DNM1L: variants seen among roughly 807,000 people sequenced by gnomAD.
DNM1L encodes dynamin 1L, also known as dynamin-1-like protein.
In DNM1L, 33 loss-of-function variants were observed where a neutral mutation model predicts 92.8. That is an observed-to-expected ratio of 0.36 (90% CI 0.27 to 0.48). The LOEUF is 0.48. Among genes scored for constraint, DNM1L ranks in the 20% least tolerant of loss-of-function variants. DNM1L has a pLI of 0.99. For missense variants in DNM1L, 485 were observed against 888.8 expected (o/e 0.55, Z 5.78); for synonymous variants, 284 against 305.0 (o/e 0.93, Z 0.72).
intron 8 of DNM1L, 144 bp from the exon 9 acceptor site, chr12:32,722,283 C>G (rs1953846147): frequency 1.4e-6 from 1 of 724,360 alleles, no homozygotes; most frequent in African/African-American, 1.8e-5. Context: ...GAAATGAAGA[C>G]AAAGACCAAA....
intron 6 of DNM1L, among the ~76,000 whole-genome samples, chr12:32,716,486 G>A (rs1466224705): frequency 6.6e-6 from 1 of 151,800 alleles, no homozygotes; most frequent in Non-Finnish European, 1.5e-5. Context: ...ACCCTGCTAC[G>A]TTTTCTATTT....
chr12:32,744,883 C>CTT lies in DNM1L; in HGVS notation c.*1474_*1475dup, dbSNP rs1213708006. ...ACTATATTATAAATTTTAAGATGTA[C>CTT]TTAGAAATCCTTAAGACATCTAGCC... is the stretch of plus-strand genomic sequence containing the variant. On this transcript the variant is annotated 3_prime_UTR_variant, in exon 20 of 20. Coordinates refer to ENST00000549701, the MANE Select transcript of DNM1L (RefSeq NM_012062.5). The CTT allele has an allele frequency of 4.0e-6, 2 of 505,884 alleles. No individual in the cohort carries two copies. Among genetic ancestry groups the CTT allele is most frequent in the Non-Finnish European group, 7.9e-6 (2 of 254,632 alleles). The allele number at this position is 505,884 out of a possible 1,614,324, so 31.3% of individuals were successfully genotyped here.
intron 1 of DNM1L, among the ~76,000 whole-genome samples, chr12:32,687,178 G>C (rs1174111518): frequency 6.8e-6 from 1 of 148,070 alleles, no homozygotes; most frequent in Non-Finnish European, 1.5e-5. Context: ...ATTGCTTTAT[G>C]GTGTCATATC....
chr12:32,709,861 A>G (rs1217982674), intron 4 of DNM1L, among the ~76,000 whole-genome samples: 1 of 152,210 alleles, frequency 6.6e-6, no homozygotes, highest in Non-Finnish European at 1.5e-5. Flanking sequence ...TGGAGTATTT[A>G]TAATGGAAAA....
Position 32,737,276 on chromosome 12 carries a change from T to C in DNM1L, c.1596+115T>C. 22 of 1,042,856 alleles carry C rather than the reference T, an allele frequency of 2.1e-5. 1 individual carries two copies. The highest frequency in any genetic ancestry group is 4.1e-5 in the South Asian group (3 of 73,144). 64.6% of individuals were successfully genotyped at this position (1,042,856 alleles called of 1,614,324 possible). A position where few individuals can be genotyped will look rare whatever the true frequency, so the allele number is the denominator to read the frequency against. On this transcript the variant is annotated intron_variant, in intron 14 of 19. Coordinates refer to ENST00000549701, the MANE Select transcript of DNM1L (RefSeq NM_012062.5). ...TTCTTTTCCTCCCTTTAACACTCCA[T>C]TGGAACTAACTGAGTAAAGGCATAC...
At position 32,681,638 on chromosome 12, in the gene DNM1L, A is replaced by G. The variant is rs376502468; in HGVS notation, c.102+2173A>G. ...TTTTTTGTAGTGTGTTGGGGAAACA[A>G]GAATCTCTTCTTGGTTTGAATACTA... On this transcript the variant is annotated intron_variant, in intron 1 of 19. Coordinates refer to ENST00000549701, the MANE Select transcript of DNM1L (RefSeq NM_012062.5). Among the ~76,000 whole-genome samples, 110 of 140,162 alleles carry G rather than the reference A, an allele frequency of 7.8e-4. 1 individual carries two copies. Among genetic ancestry groups the G allele is most frequent in the African/African-American group, 2.8e-3 (106 of 37,722 alleles). 92.0% of individuals were successfully genotyped at this position (140,162 alleles called of 152,430 possible).
intron 12 of DNM1L, chr12:32,733,368 A>AATAG: frequency 4.1e-6 from 1 of 243,452 alleles, no homozygotes; most frequent in South Asian, 5.6e-5. Context: ...GGAATAGTGG[A>AATAG]TGATCTGAAG....
chr12:32,718,144 G>GTA (rs927057805), intron 6 of DNM1L, among the ~76,000 whole-genome samples: 22 of 134,810 alleles, frequency 1.6e-4, no homozygotes, highest in South Asian at 4.7e-4. Flanking sequence ...TATATGTATA[G>GTA]TATATATATA....
intron 2 of DNM1L, 72 bp downstream of exon 2, chr12:32,701,634 G>A: frequency 7.2e-7 from 1 of 1,379,340 alleles, no homozygotes; most frequent in Non-Finnish European, 1.0e-6. Flanking sequence ...GATATGAATT[G>A]ATTAGATAAT....
rs2137179344 is a variant in DNM1L, at chr12:32,679,453, A to C, written c.90A>C (p.Val30=). 4 of 1,612,714 alleles carry C rather than the reference A, an allele frequency of 2.5e-6. No homozygotes were observed. The highest frequency in any genetic ancestry group is 4.5e-5 in the East Asian group (2 of 44,858). ...TCATCCAGCTGCCTCAAATCGTCGT[A>C]GTGGGAACGCAGGTGAGAGCAGCAG... ...ADIIQLPQIV[V]VGTQSSGKSS... Residue 30 remains valine (V), a synonymous_variant, in exon 1 of 20, where the codon GTA becomes GTC. Transcript: ENST00000549701.
At chr12:32,701,644 T>C (rs1952705674) in intron 2 of DNM1L, 82 bp downstream of exon 2, 1 of 1,265,834 alleles carries the variant, frequency 7.9e-7, no homozygotes, top group Non-Finnish European at 1.1e-6. Context: ...GATTAGATAA[T>C]TAGAAATTAG....
chr12:32,737,307 T>A, intron 14 of DNM1L, 146 bp downstream of exon 14: 1 of 755,948 alleles, frequency 1.3e-6, no homozygotes, highest in Non-Finnish European at 2.2e-6. Context: ...CATACAAGTT[T>A]AAAATGGGTT....
chr12:32,733,941 A>G, intron 13 of DNM1L, 134 bp downstream of exon 13: 1 of 754,264 alleles, frequency 1.3e-6, no homozygotes, highest in South Asian at 1.6e-5. Context: ...GTCAGGAAAT[A>G]TGCTGAGGGG....
At chr12:32,730,920 A>G in intron 9 of DNM1L, 94 bp from the exon 10 acceptor site, 1 of 1,568,194 alleles carries the variant, frequency 6.4e-7, no homozygotes, top group South Asian at 1.1e-5. Context: ...TTCTCAGAAA[A>G]TAAGATGAGC....
chr12:32,682,825 T>C (rs1452443665), intron 1 of DNM1L, among the ~76,000 whole-genome samples: 2 of 152,338 alleles, frequency 1.3e-5, no homozygotes, highest in East Asian at 1.9e-4. Context: ...CTATCAGTCA[T>C]TCACATGTTT....
At chr12:32,738,235 A>G (rs4287398) in intron 15 of DNM1L, 29 bp from the exon 16 acceptor site, 1 of 1,613,008 alleles carries the variant, frequency 6.2e-7, no homozygotes, top group Non-Finnish European at 8.5e-7. Flanking sequence ...TGCTTGTTAA[A>G]TTGCATGTTT....
At chr12:32,730,437 T>G (rs1347178687) in intron 9 of DNM1L, among the ~76,000 whole-genome samples, 1 of 152,236 alleles carries the variant, frequency 6.6e-6, no homozygotes, top group Non-Finnish European at 1.5e-5. Flanking sequence ...CACGGGTGGC[T>G]CACGCCTGTG....
At chr12:32,743,079 T>C (rs573492143) in intron 19 of DNM1L, among the ~76,000 whole-genome samples, 1 of 151,568 alleles carries the variant, frequency 6.6e-6, no homozygotes, top group African/African-American at 2.4e-5. Context: ...GTATTTTTAG[T>C]AGAGACGGGG....
intron 6 of DNM1L, among the ~76,000 whole-genome samples, chr12:32,717,885 T>TTA (rs1306849684): frequency 1.9e-5 from 2 of 107,756 alleles, no homozygotes; most frequent in African/African-American, 4.0e-5. Flanking sequence ...CTATATATAT[T>TTA]TATATATACT....
Sources: allele counts gnomAD v4.1 joint callset (sites outside exome capture counted in the v4.1 genomes callset), GRCh38; gene constraint gnomAD v4.1.1; transcripts MANE v1.5; gene names NCBI Gene and HGNC (gene_info 2026-07-23, HGNC 2026-07-21).